Variants in PPL observed in about 807,000 individuals in gnomAD.
PPL encodes the protein periplakin.
In PPL, 198 loss-of-function variants were observed where a neutral mutation model predicts 194.4. The ratio of observed to expected loss-of-function variants is 1.02; its 90% CI spans 0.91 to 1.15. The LOEUF (loss-of-function observed/expected upper bound fraction) is 1.15. Ranked by LOEUF, PPL falls within the 50% of genes most tolerant of loss-of-function variation. The pLI is 0.00. For synonymous variants in PPL, 1,220 were observed against 972.4 expected, an observed-to-expected ratio of 1.25 and a Z score of -4.74; for missense variants, 2,885 against 2,294.8, an observed-to-expected ratio of 1.26 and a Z score of -5.25.
chr16:4,925,211 A>AT (rs148525346), intron 1 of PPL, among the ~76,000 whole-genome samples: 4,151 of 152,256 alleles, frequency 0.027, 187 homozygotes, highest in African/African-American at 0.095. Flanking sequence ...CACCACGGTC[A>AT]TCCTCTTCTG....
At chr16:4,925,085 G>GGT (rs2089131285) in intron 1 of PPL, among the ~76,000 whole-genome samples, 1 of 152,186 alleles carries the variant, frequency 6.6e-6, no homozygotes, top group African/African-American at 2.4e-5. Context: ...TGTCTCAGTG[G>GGT]GTGTGTATTG....
intron 12 of PPL, 63 bp downstream of exon 12, chr16:4,894,404 T>A (rs1371145667): frequency 7.6e-6 from 12 of 1,577,932 alleles, no homozygotes; most frequent in Non-Finnish European, 9.5e-6. Context: ...GGGCTATGAA[T>A]GGGGCCTGAG....
At chr16:4,895,562 C>T (rs555182980) in intron 10 of PPL, 32 bp downstream of exon 10, 8 of 1,613,054 alleles carry the variant, frequency 5.0e-6, no homozygotes, top group Middle Eastern at 3.4e-4. Flanking sequence ...CCCCGCCCCC[C>T]GGGCCAGCAG....
In PPL at chr16:4,890,893, T is replaced by C. The variant is rs2088307945; in HGVS notation, c.1997A>G (p.Lys666Arg). The change falls in exon 17 of 22, where the codon AAG becomes AGG. Residue 666 changes from lysine to arginine, a missense_variant. By Grantham distance (26) the Lys-to-Arg change is conservative. Transcript: ENST00000345988. ...CTGCTCCACCTCACCCAGGAGGGACTTCTGGGCCTGTAACTCACAGGCCAT... is the reference window on the plus strand; with the variant it reads ...CTGCTCCACCTCACCCAGGAGGGACCTCTGGGCCTGTAACTCACAGGCCAT... ...AAMACELQAQ[K>R]SLLGEVEQNL... 1 of 1,535,794 alleles carries C rather than the reference T, an allele frequency of 6.5e-7. No homozygotes were observed. Among genetic ancestry groups the C allele is most frequent in the Non-Finnish European group, 8.8e-7 (1 of 1,135,264 alleles).
At chr16:4,936,556 TG>T (rs2089301081) in intron 1 of PPL, among the ~76,000 whole-genome samples, 1 of 152,190 alleles carries the variant, frequency 6.6e-6, no homozygotes, top group African/African-American at 2.4e-5. Flanking sequence ...CGGAGCTTCC[TG>T]GGTCGCCCGC....
chr16:4,910,995 G>A (rs1366521521), intron 1 of PPL, 46 bp from the exon 2 acceptor site: 2 of 1,520,214 alleles, frequency 1.3e-6, no homozygotes, highest in Non-Finnish European at 1.8e-6. Context: ...CCTGGTGGGT[G>A]GGGGCTATGT....
rs978822533 is a variant in PPL, at chr16:4,883,311, C to G, written c.*73G>C. On this transcript the variant is annotated 3_prime_UTR_variant, in exon 22 of 22. Coordinates refer to ENST00000345988, the MANE Select transcript of PPL (RefSeq NM_002705.5). The surrounding 1 kb of genome is among the most constrained non-coding windows in gnomAD (Gnocchi z 4.8). ...GCCTGCACCAGGGCAAGGGAGAGGA[C>G]GACACCAAGGAGGTCACTGCGTCGT... 1.3e-6 allele frequency: 2 copies of G among 1,593,824 alleles called. No homozygotes were observed. Among genetic ancestry groups the G allele is most frequent in the Admixed American group, 3.5e-5 (2 of 57,948 alleles).
intron 20 of PPL, among the ~76,000 whole-genome samples, chr16:4,887,874 G>C (rs769683966): frequency 6.6e-6 from 1 of 152,206 alleles, no homozygotes. Flanking sequence ...AGGATTACAG[G>C]TGTGAGCCAC....
At position 4,936,076 on chromosome 16, in the gene PPL, G is replaced by A. The variant is rs543375527; in HGVS notation, c.62+908C>T. 8.3e-4 allele frequency among the ~76,000 whole-genome samples: 126 copies of A among 152,240 alleles called. 1 individual carries two copies. The highest frequency in any genetic ancestry group is 2.9e-3 in the African/African-American group (122 of 41,546). ...CATCTCCACCAGGCTCCCCTAAACC[G>A]GTTATTAAGTGAACACATTAGGCTT... On this transcript the variant is annotated intron_variant, in intron 1 of 21. Coordinates refer to ENST00000345988, the MANE Select transcript of PPL (RefSeq NM_002705.5).
At chr16:4,929,793 C>T (rs2089204726) in intron 1 of PPL, among the ~76,000 whole-genome samples, 1 of 152,112 alleles carries the variant, frequency 6.6e-6, no homozygotes, top group African/African-American at 2.4e-5. Context: ...CTCAGGGATC[C>T]TCCCCTCTCA....
At chr16:4,914,535 C>G (rs2142393916) in intron 1 of PPL, among the ~76,000 whole-genome samples, 1 of 152,282 alleles carries the variant, frequency 6.6e-6, no homozygotes, top group African/African-American at 2.4e-5. Context: ...TACACCGGAG[C>G]TGGGGGATCT....
Position 4,895,656 on chromosome 16 carries a change from G to A in PPL, c.1033C>T (p.Gln345Ter). Residue 345 changes from glutamine (Q) to a stop codon, truncating the protein, a stop_gained, in exon 10 of 22, where the codon CAG becomes TAG. Transcript: ENST00000345988. LOFTEE classifies it high-confidence loss of function. ...LLRKVDSDLNQKYGPDFKDRY... is the reference protein window; with the variant it reads ...LLRKVDSDLN ...TCCTTGAAGTCAGGGCCATACTTCT[G>A]GTTCAGGTCCGAGTCCACCTTGCGC... The A allele has an allele frequency of 6.2e-7, 1 of 1,614,052 alleles. No individual in the cohort carries two copies.
At chr16:4,910,806 G>T in intron 2 of PPL, 44 bp downstream of exon 2, 1 of 1,519,108 alleles carries the variant, frequency 6.6e-7, no homozygotes, top group Non-Finnish European at 9.1e-7. Flanking sequence ...AACAGGGCTG[G>T]CAGCACGGGG....
intron 1 of PPL, among the ~76,000 whole-genome samples, chr16:4,919,629 T>C (rs561761580): frequency 2.8e-4 from 42 of 152,186 alleles, no homozygotes; most frequent in African/African-American, 9.6e-4. Context: ...AAATCCTCTC[T>C]AGTTATGTTC....
At chr16:4,916,842 T>C (rs2088926673) in intron 1 of PPL, among the ~76,000 whole-genome samples, 1 of 151,588 alleles carries the variant, frequency 6.6e-6, no homozygotes, top group African/African-American at 2.4e-5. Context: ...TGAAAACCTA[T>C]GTCTGGGCTG....
intron 1 of PPL, among the ~76,000 whole-genome samples, chr16:4,926,885 A>AAC (rs2089164057): frequency 1.7e-5 from 2 of 115,758 alleles, no homozygotes; most frequent in African/African-American, 7.2e-5. Context: ...TCTCAAAAAA[A>AAC]AAAAAAACAA....
chr16:4,911,788 T>A (rs527256282), intron 1 of PPL, among the ~76,000 whole-genome samples: 1 of 152,148 alleles, frequency 6.6e-6, no homozygotes, highest in Non-Finnish European at 1.5e-5. Flanking sequence ...TTCGTCCACC[T>A]TGGACTCCCA....
rs779503542 is a variant in PPL at position 4,893,272 on chromosome 16, G to A, written c.1591C>T (p.Pro531Ser). 6.3e-7 allele frequency: 1 copy of A among 1,599,136 alleles called. No homozygotes were observed. The change falls in exon 14 of 22, where the codon CCA becomes TCA. Residue 531 changes from proline (P) to serine (S), a missense_variant. Coordinates refer to ENST00000345988, the MANE Select transcript of PPL (RefSeq NM_002705.5). ...QEKAITGILR[P>S]PLEQGRAVQD... ...ACAGCCCGGCCTTGCTCCAGTGGTG[G>A]CCGCAGGATCCCTGTGATGGCCTTC...
chr16:4,936,982 A>G lies in PPL; in HGVS notation c.62+2T>C. 6.3e-7 allele frequency: 1 copy of G among 1,584,698 alleles called. No individual in the cohort carries two copies. The highest frequency in any genetic ancestry group is 1.7e-5 in the Admixed American group (1 of 57,508). ...GGAGCGGAGCTGTGGGCGCCTCCTC[A>G]CCTCCGGGTCTGCACAGTGGGGCTG... is the stretch of plus-strand genomic sequence containing the variant. On this transcript the variant is annotated splice_donor_variant, in intron 1 of 21. Transcript: ENST00000345988. LOFTEE classifies it high-confidence loss of function.
Sources: allele counts gnomAD v4.1 joint callset (sites outside exome capture counted in the v4.1 genomes callset), GRCh38; gene constraint gnomAD v4.1.1; non-coding constraint Gnocchi (gnomAD v3.1); transcripts MANE v1.5; gene names NCBI Gene and HGNC (gene_info 2026-07-23, HGNC 2026-07-21).